The following DPP10 variants were observed in gnomAD, a reference collection of about 807,000 sequenced individuals.
DPP10 encodes inactive dipeptidyl peptidase 10.
A neutral mutation model predicts 120.9 loss-of-function variants in DPP10; 33 were observed. The ratio of observed to expected loss-of-function variants is 0.27; its 90% CI spans 0.21 to 0.37. The LOEUF is 0.37. Ranked by LOEUF, DPP10 falls within the 10% of genes least tolerant of loss-of-function variation. DPP10 has a pLI of 1.00. For missense variants in DPP10, 816 were observed against 942.8 expected (o/e 0.87, Z 1.76); for synonymous variants, 337 against 326.1 (o/e 1.03, Z -0.36).
At chr2:115,689,497 A>C (rs568011829) in intron 5 of DPP10, among the ~76,000 whole-genome samples, 190 bp from the exon 6 acceptor site, 10 of 152,296 alleles carry the variant, frequency 6.6e-5, no homozygotes, top group Admixed American at 5.9e-4. Context: ...TAAGCAATGG[A>C]ATTGATATTA....
chr2:115,559,070 T>C (rs1248140562), intron 5 of DPP10, among the ~76,000 whole-genome samples: 1 of 152,190 alleles, frequency 6.6e-6, no homozygotes, highest in Non-Finnish European at 1.5e-5. Context: ...CAGCATATCA[T>C]TCTATCTGAA....
At chr2:114,558,671 C>G (rs1256659840) in intron 1 of DPP10, among the ~76,000 whole-genome samples, 1 of 152,200 alleles carries the variant, frequency 6.6e-6, no homozygotes, top group East Asian at 1.9e-4. Flanking sequence ...ACAGCTGACA[C>G]TCAGTAAATA....
intron 4 of DPP10, among the ~76,000 whole-genome samples, chr2:115,513,533 T>C (rs981024234): frequency 6.6e-6 from 1 of 151,994 alleles, no homozygotes; most frequent in Non-Finnish European, 1.5e-5. Flanking sequence ...TCCTTTTTAC[T>C]ATTTTTTGTG....
intron 5 of DPP10, among the ~76,000 whole-genome samples, chr2:115,676,652 G>A (rs2090288678): frequency 3.3e-5 from 5 of 152,038 alleles, no homozygotes; most frequent in African/African-American, 1.2e-4. Context: ...GCCAAAAGAG[G>A]AAAAAGAATA....
At chr2:115,163,397 C>T (rs1573850349) in intron 1 of DPP10, among the ~76,000 whole-genome samples, 3 of 152,178 alleles carry the variant, frequency 2.0e-5, no homozygotes, top group Non-Finnish European at 4.4e-5. Context: ...TACTCAATGA[C>T]TTACAGCTCC....
intron 5 of DPP10, among the ~76,000 whole-genome samples, chr2:115,628,740 G>C (rs1476803114): frequency 6.6e-6 from 1 of 151,748 alleles, no homozygotes; most frequent in Non-Finnish European, 1.5e-5. Flanking sequence ...CATGTGGCTA[G>C]CCAGTTCTCC....
chr2:114,804,508 G>A (rs1047778899), intron 1 of DPP10, among the ~76,000 whole-genome samples: 24 of 152,174 alleles, frequency 1.6e-4, no homozygotes, highest in African/African-American at 5.1e-4. Flanking sequence ...CAAAGCCACA[G>A]GGGTGGAGCT....
At chr2:114,633,267 T>C (rs1459908794) in intron 1 of DPP10, among the ~76,000 whole-genome samples, 1 of 139,062 alleles carries the variant, frequency 7.2e-6, no homozygotes, top group Non-Finnish European at 1.5e-5. Flanking sequence ...TTTTTTTTTT[T>C]TTTTGACAGA....
In DPP10 at chr2:115,188,276, A is replaced by T. The variant is rs564470070; in HGVS notation, c.61-120963A>T. ...GGATAAAAATAATTGAAAGATGTGT[A>T]TGGGCTACAGGCAAAGAGCTAGTTG... On this transcript the variant is annotated intron_variant, in intron 1 of 25. Coordinates refer to ENST00000410059, the MANE Select transcript of DPP10 (RefSeq NM_020868.6). 4.6e-5 allele frequency among the ~76,000 whole-genome samples: 7 copies of T among 152,196 alleles called. 1 individual carries two copies. The South Asian group carries it at 1.0e-3, about 23-fold the overall frequency.
chr2:115,767,592 A>G (rs2149810032), intron 12 of DPP10, among the ~76,000 whole-genome samples: 1 of 151,878 alleles, frequency 6.6e-6, no homozygotes, highest in African/African-American at 2.4e-5. Flanking sequence ...GTGTATATAT[A>G]TATGTGGCTT....
chr2:115,180,161 T>C (rs1364779882), intron 1 of DPP10, among the ~76,000 whole-genome samples: 2 of 152,184 alleles, frequency 1.3e-5, no homozygotes, highest in Non-Finnish European at 2.9e-5. Context: ...CAGATTAGGC[T>C]TTAATCTTTG....
intron 1 of DPP10, among the ~76,000 whole-genome samples, chr2:115,146,653 T>G (rs543846883): frequency 4.6e-5 from 7 of 151,874 alleles, no homozygotes; most frequent in Non-Finnish European, 5.9e-5. Flanking sequence ...ATAGTCTGAT[T>G]GTATCCTCCC....
intron 1 of DPP10, among the ~76,000 whole-genome samples, chr2:114,699,392 G>A (rs1265762563): frequency 2.0e-5 from 3 of 152,152 alleles, no homozygotes; most frequent in African/African-American, 7.2e-5. Context: ...GGAAATGTGG[G>A]CACTTAAGAG....
intron 1 of DPP10, among the ~76,000 whole-genome samples, chr2:115,180,859 G>A (rs904287380): frequency 2.0e-5 from 3 of 152,176 alleles, no homozygotes; most frequent in African/African-American, 7.2e-5. Context: ...AGGACTGAGG[G>A]TAACCCCAAG....
chr2:114,937,148 G>T (rs1240556183), intron 1 of DPP10, among the ~76,000 whole-genome samples: 1 of 152,080 alleles, frequency 6.6e-6, no homozygotes, highest in Non-Finnish European at 1.5e-5. Flanking sequence ...TGGGTTCCTG[G>T]TCATGAAGTC....
intron 1 of DPP10, among the ~76,000 whole-genome samples, chr2:114,665,872 G>T (rs1200903105): frequency 6.6e-6 from 1 of 152,152 alleles, no homozygotes; most frequent in East Asian, 1.9e-4. Context: ...GTCTGGGATG[G>T]TTAGTTTTGC....
intron 1 of DPP10, among the ~76,000 whole-genome samples, chr2:114,553,808 G>A (rs1291253776): frequency 6.6e-6 from 1 of 152,078 alleles, no homozygotes; most frequent in Non-Finnish European, 1.5e-5. Flanking sequence ...TGCTTTCAAA[G>A]CCTATGCCAT....
intron 1 of DPP10, among the ~76,000 whole-genome samples, chr2:114,580,835 A>G (rs1445435419): frequency 1.3e-5 from 2 of 152,050 alleles, no homozygotes; most frequent in Non-Finnish European, 2.9e-5. Flanking sequence ...CTCTTTGTCA[A>G]ACTGTTTCAA....
At position 114,512,790 on chromosome 2, in the gene DPP10, C is replaced by T. The variant is rs181485942; in HGVS notation, c.60+69952C>T. ...AAAGATGTGTAAACTTCCCAGGTGC[C>T]AGTAGCAGGCCTGTGTAGATGTTGT... is the stretch of plus-strand genomic sequence containing the variant. On this transcript the variant is annotated intron_variant, in intron 1 of 25. Transcript: ENST00000410059. Among the ~76,000 whole-genome samples, 5 of 152,302 alleles carry T rather than the reference C, an allele frequency of 3.3e-5. No individual in the cohort carries two copies. In the East Asian group the frequency reaches 7.7e-4, roughly 23 times the overall value.
Sources: gnomAD v4.1 joint callset for allele counts (sites outside exome capture counted in the v4.1 genomes callset) on GRCh38, gnomAD v4.1.1 for gene constraint, MANE v1.5 for transcripts, NCBI Gene and HGNC (gene_info 2026-07-23, HGNC 2026-07-21) for gene names.